The following LRRC1 variants were observed in gnomAD, a reference collection of about 807,000 sequenced individuals.
The protein encoded by LRRC1 is leucine rich repeat containing 1.
In LRRC1, 28 loss-of-function variants were observed where a neutral mutation model predicts 69.9. The ratio of observed to expected loss-of-function variants is 0.40; its 90% CI spans 0.30 to 0.55. The LOEUF (loss-of-function observed/expected upper bound fraction) is 0.55, where lower values mean the gene tolerates loss of function less well. LRRC1 is among the 20% of genes least tolerant of loss of function. LRRC1 has a pLI of 0.47. For missense variants in LRRC1, 498 were observed against 609.0 expected, an observed-to-expected ratio of 0.82 and a Z score of 1.92; for synonymous variants, 236 against 240.2, an observed-to-expected ratio of 0.98 and a Z score of 0.16.
chr6:53,832,736 A>C (rs1372151109), intron 1 of LRRC1, among the ~76,000 whole-genome samples: 1 of 152,208 alleles, frequency 6.6e-6, no homozygotes, highest in Non-Finnish European at 1.5e-5. Flanking sequence ...TCTGTCGTAC[A>C]AAACATCAAT....
intron 11 of LRRC1, 68 bp downstream of exon 11, chr6:53,914,037 A>G: frequency 9.2e-7 from 1 of 1,092,648 alleles, no homozygotes; most frequent in African/African-American, 1.6e-5. Context: ...TTGGCAGTGC[A>G]TCTTCAAATT....
chr6:53,884,889 A>G (rs755855953), intron 4 of LRRC1, among the ~76,000 whole-genome samples: 18 of 152,000 alleles, frequency 1.2e-4, no homozygotes, highest in Admixed American at 3.3e-4. Flanking sequence ...AGTGTTCAAG[A>G]TTTTTTTGTT....
chr6:53,828,928 T>G (rs1765347467), intron 1 of LRRC1, among the ~76,000 whole-genome samples: 1 of 152,260 alleles, frequency 6.6e-6, no homozygotes, highest in East Asian at 1.9e-4. Flanking sequence ...TGAAAAGCTT[T>G]AGTAACTTGG....
intron 1 of LRRC1, among the ~76,000 whole-genome samples, chr6:53,796,036 AG>A (rs1289374789): frequency 6.6e-6 from 1 of 152,168 alleles, no homozygotes; most frequent in East Asian, 1.9e-4. Flanking sequence ...CTGGAGCGCT[AG>A]GGGCAGGTGC....
Position 53,922,783 on chromosome 6 carries a change from C to T in LRRC1, c.1565C>T (p.Thr522Ile), listed in dbSNP as rs527240164. The T allele has an allele frequency of 5.0e-6, 8 of 1,613,418 alleles. No homozygotes were observed. In the African/African-American group the frequency reaches 9.3e-5, roughly 19 times the overall value. The part of the protein sequence containing the change: ...EVNHAIDRVT[T>I]SV ...AATCATGCCATTGACCGAGTGACCA[C>T]TTCTGTGTAGAGTTTCACCTCCAAG... is the stretch of plus-strand genomic sequence containing the variant. The change falls in exon 14 of 14, where the codon ACT becomes ATT. Residue 522 changes from threonine to isoleucine, a missense_variant. This residue lies in a region of LRRC1 where 162 missense variants were observed against 162.9 expected (regional missense o/e 0.99). Coordinates refer to ENST00000370888, the MANE Select transcript of LRRC1 (RefSeq NM_018214.5).
chr6:53,877,291 G>C (rs752492206), intron 2 of LRRC1, among the ~76,000 whole-genome samples: 1 of 152,152 alleles, frequency 6.6e-6, no homozygotes, highest in Non-Finnish European at 1.5e-5. Flanking sequence ...CCGGGCCCAG[G>C]AAACAATTTT....
At chr6:53,825,808 C>T (rs187476384) in intron 1 of LRRC1, among the ~76,000 whole-genome samples, 1 of 152,268 alleles carries the variant, frequency 6.6e-6, no homozygotes, top group Non-Finnish European at 1.5e-5. Context: ...TTAAGCTACT[C>T]TCTGGTTCTG....
chr6:53,851,047 A>G (rs567629044), intron 2 of LRRC1, among the ~76,000 whole-genome samples: 1 of 152,168 alleles, frequency 6.6e-6, no homozygotes, highest in South Asian at 2.1e-4. Flanking sequence ...AAATATGACC[A>G]TTGATGACCA....
At chr6:53,795,460 G>A in intron 1 of LRRC1, 45 bp downstream of exon 1, 1 of 1,568,414 alleles carries the variant, frequency 6.4e-7, no homozygotes. Context: ...CTCGTCTGCT[G>A]TCCCTTCCGC....
intron 2 of LRRC1, among the ~76,000 whole-genome samples, chr6:53,846,779 A>G (rs1301870605): frequency 6.6e-6 from 1 of 152,206 alleles, no homozygotes; most frequent in Non-Finnish European, 1.5e-5. Context: ...TGAAATGCGT[A>G]TGCTTCAATG....
chr6:53,822,101 G>A (rs993018905), intron 1 of LRRC1, among the ~76,000 whole-genome samples: 4 of 152,212 alleles, frequency 2.6e-5, no homozygotes, highest in Non-Finnish European at 4.4e-5. Flanking sequence ...GTATTTCTAG[G>A]TTCTGTAAGA....
chr6:53,872,440 T>A (rs1766918533), intron 2 of LRRC1, among the ~76,000 whole-genome samples: 1 of 152,188 alleles, frequency 6.6e-6, no homozygotes, highest in Admixed American at 6.5e-5. Flanking sequence ...GGTCTATGTA[T>A]CAGTTTCTAT....
At chr6:53,800,247 CTTTTTTTTTTTTTT>C (rs55960000) in intron 1 of LRRC1, among the ~76,000 whole-genome samples, 5 of 89,552 alleles carry the variant, frequency 5.6e-5, no homozygotes, top group African/African-American at 1.3e-4. Context: ...GTTTCTTTTT[CTTTTTTTTTTTTTT>C]TTTTTTTTTT....
chr6:53,919,486 A>AAC lies in LRRC1; in HGVS notation c.1107-11_1107-10insCA. On this transcript the variant is annotated splice_polypyrimidine_tract_variant and intron_variant, in intron 11 of 13. Transcript: ENST00000370888. ...GTGATGTCTCTTTTTTTAAAAAAAA[A>AAC]AAAAAAAACAGGTTGCTGCATCTAC... The AAC allele has an allele frequency of 3.3e-6, 5 of 1,497,888 alleles. No homozygotes were observed. Among genetic ancestry groups the AAC allele is most frequent in the Non-Finnish European group, 4.4e-6 (5 of 1,129,768 alleles). The allele number at this position is 1,497,888 out of a possible 1,614,324, so 92.8% of individuals were successfully genotyped here.
chr6:53,849,705 G>C (rs1182518537), intron 2 of LRRC1, among the ~76,000 whole-genome samples: 2 of 152,216 alleles, frequency 1.3e-5, no homozygotes, highest in African/African-American at 4.8e-5. Flanking sequence ...GCAATTTGAA[G>C]ATTAAATATA....
chr6:53,796,127 G>A (rs1045070430), intron 1 of LRRC1, among the ~76,000 whole-genome samples: 2 of 152,246 alleles, frequency 1.3e-5, no homozygotes, highest in African/African-American at 4.8e-5. Flanking sequence ...CGGAGGCTCT[G>A]CCCGCGGGCC....
intron 1 of LRRC1, among the ~76,000 whole-genome samples, chr6:53,828,060 G>A (rs997045576): frequency 6.0e-5 from 9 of 151,126 alleles, no homozygotes; most frequent in African/African-American, 1.9e-4. Flanking sequence ...ATCACAATCT[G>A]TAATGGTCCT....
intron 11 of LRRC1, 72 bp downstream of exon 11, chr6:53,914,041 T>C: frequency 9.4e-7 from 1 of 1,061,572 alleles, no homozygotes; most frequent in Non-Finnish European, 1.4e-6. Context: ...CAGTGCATCT[T>C]CAAATTTTTG....
intron 10 of LRRC1, among the ~76,000 whole-genome samples, chr6:53,909,541 G>A (rs1020543964): frequency 2.0e-5 from 3 of 150,626 alleles, no homozygotes; most frequent in Non-Finnish European, 4.4e-5. Context: ...TTTTTTCATT[G>A]TGCTTTCCTG....
Sources: gnomAD v4.1 joint callset for allele counts (sites outside exome capture counted in the v4.1 genomes callset) on GRCh38, gnomAD v4.1.1 for gene constraint, gnomAD v4.1.1 regional missense constraint, MANE v1.5 for transcripts, NCBI Gene and HGNC (gene_info 2026-07-23, HGNC 2026-07-21) for gene names.